SHISA9: variants seen among roughly 807,000 people sequenced by gnomAD.
SHISA9 encodes the protein protein shisa-9.
A neutral mutation model predicts 38.0 loss-of-function variants in SHISA9; 13 were observed. That is an observed-to-expected ratio of 0.34 (90% confidence interval 0.22 to 0.54). The LOEUF (loss-of-function observed/expected upper bound fraction) is 0.54. Among genes scored for constraint, SHISA9 ranks in the 20% least tolerant of loss-of-function variants. The pLI is 0.91. For synonymous variants in SHISA9, 275 were observed against 242.0 expected, an observed-to-expected ratio of 1.14 and a Z score of -1.27; for missense variants, 538 against 575.8, an observed-to-expected ratio of 0.93 and a Z score of 0.67.
At chr16:13,417,663 C>T in the SHISA9 span, among the ~76,000 whole-genome samples, 1 of 152,228 alleles carries the variant, frequency 6.6e-6, no homozygotes, top group African/African-American at 2.4e-5. Flanking sequence ...GGGAATCACA[C>T]ACATTGGGCA....
At chr16:12,959,533 CAG>C (rs2071881027) in intron 2 of SHISA9, among the ~76,000 whole-genome samples, 1 of 152,138 alleles carries the variant, frequency 6.6e-6, no homozygotes, top group African/African-American at 2.4e-5. Context: ...GGAGAAAAAA[CAG>C]AGCTCAGACT....
intron 2 of SHISA9, among the ~76,000 whole-genome samples, chr16:13,027,282 C>T (rs1217161501): frequency 1.3e-5 from 2 of 152,202 alleles, no homozygotes; most frequent in South Asian, 4.1e-4. Flanking sequence ...CCATCTCAAA[C>T]TTCCTTAAGC....
the SHISA9 span, among the ~76,000 whole-genome samples, chr16:13,493,720 T>A: frequency 2.4e-3 from 357 of 150,144 alleles, 1 homozygote; most frequent in Non-Finnish European, 3.0e-3. Flanking sequence ...GTGGGAGGAA[T>A]GAAGAAGAGA....
intron 2 of SHISA9, among the ~76,000 whole-genome samples, chr16:13,180,227 G>A (rs952391086): frequency 2.6e-5 from 4 of 152,186 alleles, no homozygotes; most frequent in African/African-American, 9.7e-5. Flanking sequence ...AGCCTCTGCC[G>A]CCTGTCTGGC....
At chr16:13,168,431 C>T (rs61537982) in intron 2 of SHISA9, among the ~76,000 whole-genome samples, 2,192 of 152,310 alleles carry the variant, frequency 0.014, 45 homozygotes, top group African/African-American at 0.049. Context: ...CACCTGGAAG[C>T]GGCTTACATC....
intron 3 of SHISA9, among the ~76,000 whole-genome samples, chr16:13,211,226 G>A (rs1470717516): frequency 6.6e-6 from 1 of 151,668 alleles, no homozygotes; most frequent in Non-Finnish European, 1.5e-5. Flanking sequence ...GAACCCGGGG[G>A]GCAGTGGGGG....
the SHISA9 span, among the ~76,000 whole-genome samples, chr16:13,464,824 C>A: frequency 1.9e-4 from 29 of 151,000 alleles, no homozygotes; most frequent in Non-Finnish European, 3.7e-4. Context: ...TCTATGCCCA[C>A]CCCCACCCCC....
the SHISA9 span, among the ~76,000 whole-genome samples, chr16:13,328,981 C>T: frequency 6.6e-6 from 1 of 152,046 alleles, no homozygotes; most frequent in South Asian, 2.1e-4. Context: ...AAGCTTGCAC[C>T]GTTGAATGCC....
chr16:13,458,414 G>A, the SHISA9 span: 1 of 394,050 alleles, frequency 2.5e-6, no homozygotes, highest in Non-Finnish European at 5.0e-6. Context: ...ATGGGAGCAG[G>A]GTCAAGCATT....
the SHISA9 span, among the ~76,000 whole-genome samples, chr16:13,249,216 AG>A: frequency 1.3e-5 from 2 of 152,208 alleles, no homozygotes; most frequent in Non-Finnish European, 2.9e-5. Context: ...GGTCCCAGTA[AG>A]GAAGATGAGT....
chr16:13,529,163 T>C, the SHISA9 span, among the ~76,000 whole-genome samples: 48 of 152,230 alleles, frequency 3.2e-4, no homozygotes, highest in East Asian at 3.7e-3. Flanking sequence ...CAAATAGCAA[T>C]CGTAAGACTG....
chr16:12,919,400 C>G (rs2071299515), intron 2 of SHISA9, among the ~76,000 whole-genome samples: 2 of 152,158 alleles, frequency 1.3e-5, no homozygotes, highest in Non-Finnish European at 2.9e-5. Flanking sequence ...CACTGAACAT[C>G]CAAGTTGTTA....
the SHISA9 span, among the ~76,000 whole-genome samples, chr16:13,404,723 C>T: frequency 6.6e-6 from 1 of 152,196 alleles, no homozygotes; most frequent in Non-Finnish European, 1.5e-5. Context: ...TTAGGGATGA[C>T]TCTCAAACAT....
Position 13,216,752 on chromosome 16 carries a change from A to G in SHISA9, c.895+3452A>G, listed in dbSNP as rs987878224. On this transcript the variant is annotated intron_variant, in intron 4 of 4. Coordinates refer to ENST00000558583, the MANE Select transcript of SHISA9 (RefSeq NM_001145204.3). ...GGGAAAGGACAAGGTCCTTGAAGAT[A>G]CAAGTTTCTTACTGCCACCTGCATT... is the stretch of plus-strand genomic sequence containing the variant. Among the ~76,000 whole-genome samples the G allele has an allele frequency of 3.3e-5, 5 of 152,326 alleles. No homozygotes were observed. The South Asian group carries it at 1.0e-3, about 32-fold the overall frequency.
At chr16:13,472,377 A>ATTTTTTTTTTTTTT in the SHISA9 span, among the ~76,000 whole-genome samples, 2 of 55,416 alleles carry the variant, frequency 3.6e-5, no homozygotes, top group African/African-American at 7.3e-5. Flanking sequence ...GCTCTGCTAA[A>ATTTTTTTTTTTTTT]TTTTTTTTTT....
At chr16:13,542,049 C>T in the SHISA9 span, among the ~76,000 whole-genome samples, 1 of 152,102 alleles carries the variant, frequency 6.6e-6, no homozygotes, top group African/African-American at 2.4e-5. Context: ...TCATAAGAGA[C>T]AGATAAAGAC....
chr16:13,300,927 TTCTTTCTTTCTCTTAC>T, the SHISA9 span, among the ~76,000 whole-genome samples: 2 of 150,150 alleles, frequency 1.3e-5, no homozygotes, highest in Admixed American at 6.7e-5. Context: ...CTCCTCCTTC[TTCTTTCTTTCTCTTAC>T]TCTTTCTTTC....
At chr16:13,382,108 G>C in the SHISA9 span, among the ~76,000 whole-genome samples, 2 of 152,162 alleles carry the variant, frequency 1.3e-5, no homozygotes, top group South Asian at 2.1e-4. Context: ...GAAGTGTATT[G>C]ATACAAACTC....
chr16:13,221,584 A>C (rs1223516147), intron 4 of SHISA9, among the ~76,000 whole-genome samples: 3 of 152,206 alleles, frequency 2.0e-5, no homozygotes, highest in Non-Finnish European at 4.4e-5. Flanking sequence ...CCACAAATAC[A>C]GTGCTTAAGA....
Sources: allele counts gnomAD v4.1 joint callset (sites outside exome capture counted in the v4.1 genomes callset), GRCh38; gene constraint gnomAD v4.1.1; transcripts MANE v1.5; gene names NCBI Gene and HGNC (gene_info 2026-07-23, HGNC 2026-07-21).